The following WDPCP variants were observed in gnomAD, a reference collection of about 807,000 sequenced individuals.
WDPCP encodes the protein WD repeat containing planar cell polarity effector, also known as WD repeat-containing and planar cell polarity effector protein fritz homolog.
Under a neutral mutation model 93.1 loss-of-function variants are expected in WDPCP, and 71 were observed. The ratio of observed to expected loss-of-function variants is 0.76; its 90% CI spans 0.63 to 0.93. The LOEUF (loss-of-function observed/expected upper bound fraction) is 0.93, where lower values mean the gene tolerates loss of function less well. Ranked by LOEUF, WDPCP falls within the 40% of genes least tolerant of loss-of-function variation. The probability of loss-of-function intolerance (pLI) is 0.00; values close to 1 mark genes in which losing one functional copy is unlikely to be tolerated. For synonymous variants in WDPCP, 315 were observed against 315.0 expected, an observed-to-expected ratio of 1.00 and a Z score of 0.00; for missense variants, 844 against 887.4, an observed-to-expected ratio of 0.95 and a Z score of 0.62.
chr2:63,235,439 A>T (rs1287198185), intron 14 of WDPCP, among the ~76,000 whole-genome samples: 5 of 152,170 alleles, frequency 3.3e-5, no homozygotes, highest in Non-Finnish European at 4.4e-5. Flanking sequence ...ACTTGTACCA[A>T]TCCTACTGAA....
At chr2:63,557,543 C>T (rs1706222913) in intron 1 of WDPCP, among the ~76,000 whole-genome samples, 1 of 152,170 alleles carries the variant, frequency 6.6e-6, no homozygotes, top group African/African-American at 2.4e-5. Flanking sequence ...GAGACTTAGA[C>T]TCCCACACAA....
intron 9 of WDPCP, among the ~76,000 whole-genome samples, chr2:63,413,322 T>C (rs1196569620): frequency 1.3e-5 from 2 of 152,178 alleles, no homozygotes; most frequent in African/African-American, 4.8e-5. Flanking sequence ...TAGCCACATG[T>C]AGAAGAATGA....
chr2:63,804,073 C>T (rs919331609), intron 2 of WDPCP, among the ~76,000 whole-genome samples: 1 of 152,080 alleles, frequency 6.6e-6, no homozygotes, highest in Admixed American at 6.5e-5. Flanking sequence ...CTAGATGATA[C>T]TTCACTTGGT....
At chr2:63,291,398 G>A (rs1684409152) in intron 13 of WDPCP, among the ~76,000 whole-genome samples, 1 of 152,186 alleles carries the variant, frequency 6.6e-6, no homozygotes, top group South Asian at 2.1e-4. Context: ...TTTTGTATGT[G>A]CTACACAGAC....
At chr2:63,646,436 AC>A (rs1710051613) in intron 3 of WDPCP, among the ~76,000 whole-genome samples, 1 of 152,150 alleles carries the variant, frequency 6.6e-6, no homozygotes, top group African/African-American at 2.4e-5. Context: ...TAGTTTACAC[AC>A]CATAGTTACA....
chr2:63,829,904 G>C (rs567814991), upstream of WDPCP, among the ~76,000 whole-genome samples: 3 of 152,126 alleles, frequency 2.0e-5, no homozygotes, highest in East Asian at 5.8e-4. Context: ...AATGTAAGCC[G>C]TGTTATTAAA....
chr2:63,516,019 CA>C (rs34934162), intron 1 of WDPCP, among the ~76,000 whole-genome samples: 197 of 131,422 alleles, frequency 1.5e-3, no homozygotes, highest in Non-Finnish European at 1.3e-3. Flanking sequence ...GACTCCATTT[CA>C]AAAAAAAAAA....
chr2:63,174,536 A>G, intron 15 of WDPCP, 134 bp downstream of exon 15: 1 of 1,121,142 alleles, frequency 8.9e-7, no homozygotes, highest in Non-Finnish European at 1.3e-6. Flanking sequence ...AAACTACTGC[A>G]AAGTCTGAGC....
intron 6 of WDPCP, among the ~76,000 whole-genome samples, chr2:63,459,436 T>C (rs1239989292): frequency 1.3e-5 from 2 of 151,952 alleles, no homozygotes; most frequent in East Asian, 3.9e-4. Context: ...TCAAAAGACA[T>C]ACATATAGAC....
intron 13 of WDPCP, among the ~76,000 whole-genome samples, chr2:63,298,831 G>C (rs1685088801): frequency 6.6e-6 from 1 of 152,192 alleles, no homozygotes; most frequent in Non-Finnish European, 1.5e-5. Flanking sequence ...CTGAGGTGTT[G>C]CTGTGCACAG....
chr2:63,774,407 GTTCTC>G (rs1670272442), intron 2 of WDPCP, among the ~76,000 whole-genome samples: 1 of 151,918 alleles, frequency 6.6e-6, no homozygotes, highest in African/African-American at 2.4e-5. Context: ...TCTCACTTCA[GTTCTC>G]TTCTGTTCCT....
intron 1 of WDPCP, among the ~76,000 whole-genome samples, chr2:63,507,268 AT>A (rs1701941770): frequency 6.6e-6 from 1 of 152,096 alleles, no homozygotes; most frequent in Non-Finnish European, 1.5e-5. Flanking sequence ...GAAAAAAAAA[AT>A]AGGTCACATA....
At position 63,646,032 on chromosome 2, in the gene WDPCP, C is replaced by A. The variant is rs573462664; in HGVS notation, n.488+4627G>T. 1.6e-4 allele frequency among the ~76,000 whole-genome samples: 24 copies of A among 152,164 alleles called. No homozygotes were observed. In the South Asian group the frequency reaches 3.1e-3, roughly 20 times the overall value. The stretch of plus-strand genomic sequence containing the variant: ...ATTACTGATAAGAACTTACTCCTAC[C>A]ATTTTGTTATTTGTTTTCCAGTTGT... On this transcript the variant is annotated intron_variant and non_coding_transcript_variant, in intron 3 of 4. Coordinates refer to the WDPCP transcript ENST00000467687.
chr2:63,466,991 G>C (rs1699382153), intron 6 of WDPCP, among the ~76,000 whole-genome samples: 1 of 152,174 alleles, frequency 6.6e-6, no homozygotes, highest in Non-Finnish European at 1.5e-5. Context: ...AATGTTGATT[G>C]ATGATACAAA....
intron 2 of WDPCP, among the ~76,000 whole-genome samples, chr2:63,798,947 T>C (rs1195360216): frequency 1.3e-5 from 2 of 152,148 alleles, no homozygotes; most frequent in African/African-American, 2.4e-5. Context: ...TCAAACAAAA[T>C]AGATTTCAAG....
intron 6 of WDPCP, chr2:63,442,461 G>T (rs1021288806): frequency 1.3e-5 from 2 of 152,280 alleles, no homozygotes; most frequent in East Asian, 1.9e-4. Context: ...TCTAACCAAT[G>T]TATGCATGCT....
chr2:63,606,946 G>A, intron 3 of WDPCP: 1 of 1,612,578 alleles, frequency 6.2e-7, no homozygotes, highest in Non-Finnish European at 8.5e-7. Flanking sequence ...GGAACTGACA[G>A]AAGAAAAAGA....
chr2:63,708,199 T>C (rs954466948), intron 2 of WDPCP, among the ~76,000 whole-genome samples: 30 of 152,324 alleles, frequency 2.0e-4, no homozygotes, highest in African/African-American at 7.0e-4. Context: ...TGCTGTCTTT[T>C]GTTTGTCTGT....
At chr2:63,283,109 T>C (rs1050973538) in intron 13 of WDPCP, among the ~76,000 whole-genome samples, 1 of 152,258 alleles carries the variant, frequency 6.6e-6, no homozygotes, top group Admixed American at 6.5e-5. Context: ...GTATCAAATT[T>C]GTGGCATAAC....
Sources: allele counts gnomAD v4.1 joint callset (sites outside exome capture counted in the v4.1 genomes callset), GRCh38; gene constraint gnomAD v4.1.1; transcripts MANE v1.5; gene names NCBI Gene and HGNC (gene_info 2026-07-23, HGNC 2026-07-21).